CSRNP3: variants seen among roughly 807,000 people sequenced by gnomAD.
CSRNP3 encodes cysteine and serine rich nuclear protein 3, also known as cysteine/serine-rich nuclear protein 3.
In CSRNP3, 12 loss-of-function variants were observed where a neutral mutation model predicts 48.0. The observed-to-expected ratio is 0.25, with a 90% CI of 0.16 to 0.41. The LOEUF (loss-of-function observed/expected upper bound fraction) is 0.41. Among genes scored for constraint, CSRNP3 ranks in the 10% least tolerant of loss-of-function variants. The pLI is 1.00. For missense variants in CSRNP3, 580 were observed against 724.4 expected, an observed-to-expected ratio of 0.80 and a Z score of 2.29; for synonymous variants, 263 against 269.7, an observed-to-expected ratio of 0.98 and a Z score of 0.24.
At chr2:165,530,664 A>G (rs978285765) in intron 3 of CSRNP3, among the ~76,000 whole-genome samples, 25 of 152,098 alleles carry the variant, frequency 1.6e-4, no homozygotes, top group Non-Finnish European at 4.4e-5. Flanking sequence ...TTTTCCTTAT[A>G]AAATATAATA....
intron 1 of CSRNP3, among the ~76,000 whole-genome samples, chr2:165,489,747 AC>A (rs1206273155): frequency 1.5e-5 from 2 of 129,106 alleles, no homozygotes; most frequent in African/African-American, 3.1e-5. Flanking sequence ...AAATTCAACA[AC>A]CCTTCATGCT....
intron 5 of CSRNP3, among the ~76,000 whole-genome samples, chr2:165,660,515 G>T (rs925467398): frequency 2.0e-5 from 3 of 152,116 alleles, no homozygotes; most frequent in Non-Finnish European, 2.9e-5. Flanking sequence ...AACAGCTGGA[G>T]GACTGACACG....
At chr2:165,653,709 C>A (rs1369772237) in intron 4 of CSRNP3, among the ~76,000 whole-genome samples, 1 of 151,792 alleles carries the variant, frequency 6.6e-6, no homozygotes, top group African/African-American at 2.4e-5. Context: ...CAGTGGCTCA[C>A]ACCTATAATC....
chr2:165,477,504 A>AAG (rs1683979669), intron 1 of CSRNP3, among the ~76,000 whole-genome samples: 1 of 132,198 alleles, frequency 7.6e-6, no homozygotes, highest in African/African-American at 2.8e-5. Context: ...ATATAATACA[A>AAG]ATATATATAT....
chr2:165,492,090 A>G (rs1684220111), intron 1 of CSRNP3, among the ~76,000 whole-genome samples: 1 of 151,968 alleles, frequency 6.6e-6, no homozygotes, highest in Non-Finnish European at 1.5e-5. Flanking sequence ...TCCCACCCCA[A>G]AGGAACTATT....
At chr2:165,559,372 CATAG>C (rs1415955798) in intron 3 of CSRNP3, among the ~76,000 whole-genome samples, 1 of 152,132 alleles carries the variant, frequency 6.6e-6, no homozygotes, top group Non-Finnish European at 1.5e-5. Flanking sequence ...TAATACTCCT[CATAG>C]ATAAAGGCTA....
At chr2:165,546,652 A>G (rs1257745725) in intron 3 of CSRNP3, among the ~76,000 whole-genome samples, 3 of 152,208 alleles carry the variant, frequency 2.0e-5, no homozygotes, top group Non-Finnish European at 4.4e-5. Context: ...GTTTTTAATT[A>G]GTAGTCTTCT....
At chr2:165,576,221 A>G (rs1685449232) in intron 3 of CSRNP3, among the ~76,000 whole-genome samples, 1 of 151,766 alleles carries the variant, frequency 6.6e-6, no homozygotes, top group East Asian at 1.9e-4. Context: ...ACACACACAT[A>G]TATATATTTC....
intron 3 of CSRNP3, among the ~76,000 whole-genome samples, chr2:165,533,096 A>G (rs1019755737): frequency 2.6e-5 from 4 of 152,172 alleles, no homozygotes; most frequent in African/African-American, 9.6e-5. Context: ...ATTTTCTTCA[A>G]CAGGGGTTTG....
intron 3 of CSRNP3, among the ~76,000 whole-genome samples, chr2:165,586,620 T>C (rs1685638408): frequency 6.6e-6 from 1 of 152,206 alleles, no homozygotes; most frequent in Non-Finnish European, 1.5e-5. Context: ...TGGGGATTTA[T>C]GGTGTTCTTA....
intron 4 of CSRNP3, among the ~76,000 whole-genome samples, chr2:165,627,916 C>G (rs1046230597): frequency 6.6e-6 from 1 of 152,196 alleles, no homozygotes; most frequent in African/African-American, 2.4e-5. Context: ...TGAACCCATT[C>G]TTCAGTAGAC....
intron 3 of CSRNP3, among the ~76,000 whole-genome samples, chr2:165,526,895 G>A (rs747476921): frequency 6.6e-6 from 1 of 152,088 alleles, no homozygotes; most frequent in African/African-American, 2.4e-5. Flanking sequence ...AAGTCTGCAT[G>A]CTCTCTGACT....
intron 1 of CSRNP3, among the ~76,000 whole-genome samples, chr2:165,483,884 T>C (rs1463470777): frequency 2.0e-5 from 3 of 152,178 alleles, no homozygotes; most frequent in African/African-American, 7.2e-5. Context: ...TTTCAACATA[T>C]GAATTTTAGG....
chr2:165,579,468 T>C (rs560918897), intron 3 of CSRNP3, among the ~76,000 whole-genome samples: 127 of 152,338 alleles, frequency 8.3e-4, no homozygotes, highest in African/African-American at 2.5e-3. Context: ...TGCTCTACTA[T>C]TTTTCCATTC....
chr2:165,679,555 T>G lies in CSRNP3; in HGVS notation c.1560T>G (p.Pro520=). 1 of 1,613,948 alleles carries G rather than the reference T, an allele frequency of 6.2e-7. No individual in the cohort carries two copies. The highest frequency in any genetic ancestry group is 8.5e-7 in the Non-Finnish European group (1 of 1,179,978). The part of the protein sequence containing the change: ...DSGVPCNSLY[P]EHRSNHPQVE... ...GTGTGCCCTGCAATAGTTTATATCC[T>G]GAACACAGGTCCAATCACCCTCAAG... Residue 520 remains proline, a synonymous_variant, in exon 7 of 7, where the codon CCT becomes CCG. Transcript: ENST00000651982.
intron 3 of CSRNP3, among the ~76,000 whole-genome samples, chr2:165,547,096 G>A (rs1033693295): frequency 6.6e-6 from 1 of 152,156 alleles, no homozygotes. Flanking sequence ...TTTTTCTGTG[G>A]ACAGTAAAAA....
intron 4 of CSRNP3, among the ~76,000 whole-genome samples, chr2:165,624,634 T>C (rs1369710526): frequency 6.6e-6 from 1 of 152,144 alleles, no homozygotes; most frequent in Non-Finnish European, 1.5e-5. Flanking sequence ...CTGGGTTTTC[T>C]TCTCTTAACT....
intron 4 of CSRNP3, among the ~76,000 whole-genome samples, chr2:165,599,838 T>C (rs903642654): frequency 1.3e-5 from 2 of 152,150 alleles, no homozygotes; most frequent in Non-Finnish European, 2.9e-5. Flanking sequence ...TTTTTTTTAC[T>C]TAAAATGATT....
At chr2:165,625,494 C>T (rs958598930) in intron 4 of CSRNP3, among the ~76,000 whole-genome samples, 3 of 150,620 alleles carry the variant, frequency 2.0e-5, no homozygotes, top group East Asian at 2.0e-4. Context: ...GTTAGCTGAG[C>T]GTGGCGGCAG....
Sources: gnomAD v4.1 joint callset for allele counts (sites outside exome capture counted in the v4.1 genomes callset) on GRCh38, gnomAD v4.1.1 for gene constraint, MANE v1.5 for transcripts, NCBI Gene and HGNC (gene_info 2026-07-23, HGNC 2026-07-21) for gene names.